Variants in ANO4 observed in about 807,000 individuals in gnomAD.
ANO4 encodes anoctamin 4.
A neutral mutation model predicts 141.9 loss-of-function variants in ANO4; 69 were observed. The observed-to-expected ratio is 0.49, with a 90% CI of 0.40 to 0.59. ANO4 has a LOEUF of 0.59. Among genes scored for constraint, ANO4 ranks in the 20% least tolerant of loss-of-function variants. The probability of loss-of-function intolerance (pLI) is 0.00; values close to 1 mark genes in which losing one functional copy is unlikely to be tolerated. For synonymous variants in ANO4, 350 were observed against 394.3 expected (o/e 0.89, Z 1.33); for missense variants, 894 against 1,162.2 (o/e 0.77, Z 3.36).
chr12:100,785,087 A>G (rs1474640078), intron 3 of ANO4, among the ~76,000 whole-genome samples: 5 of 152,152 alleles, frequency 3.3e-5, no homozygotes, highest in African/African-American at 9.7e-5. Flanking sequence ...TTGTATTTAA[A>G]TAGACTTTAT....
chr12:101,024,542 G>C (rs564712023), intron 9 of ANO4, among the ~76,000 whole-genome samples: 1 of 151,916 alleles, frequency 6.6e-6, no homozygotes, highest in Admixed American at 6.6e-5. Context: ...GTTGCAGTGA[G>C]CCGAGATCGC....
chr12:100,756,035 CATT>C (rs2032594141), intron 3 of ANO4, among the ~76,000 whole-genome samples: 1 of 152,120 alleles, frequency 6.6e-6, no homozygotes, highest in African/African-American at 2.4e-5. Flanking sequence ...CTTCACATGT[CATT>C]ATTTTAATTA....
intron 1 of ANO4, among the ~76,000 whole-genome samples, chr12:100,836,644 AGAG>A (rs202192586): frequency 0.011 from 1,696 of 152,190 alleles, 12 homozygotes; most frequent in Non-Finnish European, 0.015. Flanking sequence ...CCTACAGGAA[AGAG>A]GAGGTCTTCT....
At chr12:101,009,616 C>G (rs1593001848) in intron 8 of ANO4, among the ~76,000 whole-genome samples, 1 of 152,128 alleles carries the variant, frequency 6.6e-6, no homozygotes, top group South Asian at 2.1e-4. Context: ...CTGTGCGTAA[C>G]CTTTCTCCTC....
intron 10 of ANO4, 60 bp from the exon 11 acceptor site, chr12:101,039,895 C>T (rs1472298582): frequency 6.5e-7 from 1 of 1,548,972 alleles, no homozygotes; most frequent in Non-Finnish European, 8.8e-7. Context: ...ACATTACCAT[C>T]AGCATTTCCT....
rs190500351 is a variant in ANO4, at chr12:100,925,957, G to A, written c.160+3627G>A. On this transcript the variant is annotated intron_variant, in intron 3 of 27. Transcript: ENST00000392977. ...ATTTCTTGAGTGTCTGGGGTAGGCT[G>A]GCCATGATGGTGTTTTCCCAAAGTA... Among the ~76,000 whole-genome samples the A allele has an allele frequency of 9.9e-3, 1,507 of 151,684 alleles. 16 individuals are homozygous for A. The highest frequency in any genetic ancestry group is 0.017 in the Middle Eastern group (5 of 292).
chr12:100,989,789 G>GGATGGATA (rs2044987105), intron 8 of ANO4, among the ~76,000 whole-genome samples: 4 of 140,470 alleles, frequency 2.8e-5, no homozygotes, highest in South Asian at 4.4e-4. Flanking sequence ...ATGGATGGAT[G>GGATGGATA]GATGGATGGA....
chr12:101,097,421 A>ATGT (rs1199165931), intron 19 of ANO4, among the ~76,000 whole-genome samples: 1 of 152,206 alleles, frequency 6.6e-6, no homozygotes, highest in Non-Finnish European at 1.5e-5. Context: ...GCAAGCAGCA[A>ATGT]GAACTGGCTT....
intron 22 of ANO4, among the ~76,000 whole-genome samples, chr12:101,105,860 C>T (rs1398823781): frequency 2.6e-5 from 4 of 152,220 alleles, no homozygotes; most frequent in Non-Finnish European, 5.9e-5. Context: ...GTGGCCCACG[C>T]CTGTCATCCC....
chr12:100,769,551 G>T (rs2033214371), intron 3 of ANO4, among the ~76,000 whole-genome samples: 1 of 152,136 alleles, frequency 6.6e-6, no homozygotes, highest in South Asian at 2.1e-4. Flanking sequence ...TTATAAATTT[G>T]CATAGTATTA....
At chr12:101,016,427 G>T (rs557113325) in intron 8 of ANO4, among the ~76,000 whole-genome samples, 49 of 152,050 alleles carry the variant, frequency 3.2e-4, no homozygotes, top group African/African-American at 1.1e-3. Flanking sequence ...ATTACCATGG[G>T]CGTAACACCA....
intron 1 of ANO4, among the ~76,000 whole-genome samples, chr12:100,892,444 T>C (rs1241545927): frequency 6.6e-6 from 1 of 152,196 alleles, no homozygotes; most frequent in East Asian, 1.9e-4. Flanking sequence ...TCCAAGGTCT[T>C]AGCTAATCTC....
chr12:100,769,922 A>G (rs1226416820), intron 3 of ANO4, among the ~76,000 whole-genome samples: 1 of 149,946 alleles, frequency 6.7e-6, no homozygotes, highest in East Asian at 1.9e-4. Flanking sequence ...TATTTGATAT[A>G]CTTTCACATA....
At chr12:100,989,925 C>A (rs1205351016) in intron 8 of ANO4, among the ~76,000 whole-genome samples, 2 of 126,096 alleles carry the variant, frequency 1.6e-5, no homozygotes, top group Non-Finnish European at 3.2e-5. Flanking sequence ...GATAGTGTAC[C>A]TGGATAGGTC....
chr12:100,954,930 G>A (rs1555261313), intron 5 of ANO4, among the ~76,000 whole-genome samples: 1 of 152,162 alleles, frequency 6.6e-6, no homozygotes, highest in Non-Finnish European at 1.5e-5. Context: ...CTATGGAAAT[G>A]TCCTTGTGTT....
At position 100,773,949 on chromosome 12, in the gene ANO4, T is replaced by C. The variant is rs796607155; in HGVS notation, c.358+33844T>C. Among the ~76,000 whole-genome samples, 165 of 152,340 alleles carry C rather than the reference T, an allele frequency of 1.1e-3. 2 individuals are homozygous for C. Among genetic ancestry groups the C allele is most frequent in the African/African-American group, 3.8e-3 (159 of 41,576 alleles). ...CTTCCTGGTTTTGTAAATAAAACTTTATTGGAACGTAACCATGCTCATTTG... is the reference window on the plus strand; with the variant it reads ...CTTCCTGGTTTTGTAAATAAAACTTCATTGGAACGTAACCATGCTCATTTG... On this transcript the variant is annotated intron_variant, in intron 3 of 29. Coordinates refer to the ANO4 transcript ENST00000644049.
chr12:101,036,572 G>A (rs1285180683), intron 9 of ANO4, among the ~76,000 whole-genome samples: 2 of 152,186 alleles, frequency 1.3e-5, no homozygotes, highest in East Asian at 3.9e-4. Context: ...AAGGCATCAT[G>A]CTAGGTGAAA....
intron 5 of ANO4, among the ~76,000 whole-genome samples, chr12:100,968,044 T>A (rs2043756367): frequency 6.6e-6 from 1 of 152,188 alleles, no homozygotes; most frequent in Non-Finnish European, 1.5e-5. Context: ...CATATGGGAA[T>A]AAGATGGGGT....
At chr12:101,014,210 T>C (rs2046223608) in intron 8 of ANO4, among the ~76,000 whole-genome samples, 1 of 152,216 alleles carries the variant, frequency 6.6e-6, no homozygotes. Flanking sequence ...CACAGCATTT[T>C]ACAACACTAC....
Sources: gnomAD v4.1 joint callset for allele counts (sites outside exome capture counted in the v4.1 genomes callset) on GRCh38, gnomAD v4.1.1 for gene constraint, MANE v1.5 for transcripts, NCBI Gene and HGNC (gene_info 2026-07-23, HGNC 2026-07-21) for gene names.